The following ACADSB variants were observed in gnomAD, a reference collection of about 807,000 sequenced individuals.
ACADSB encodes short/branched chain specific acyl-CoA dehydrogenase, mitochondrial.
ACADSB carries 40 observed loss-of-function variants against 54.1 expected under a neutral mutation model. That is an observed-to-expected ratio of 0.74 (90% CI 0.57 to 0.96). The LOEUF is 0.96. ACADSB is among the 40% of genes least tolerant of loss of function. The probability of loss-of-function intolerance (pLI) is 0.00; values close to 1 mark genes in which losing one functional copy is unlikely to be tolerated. For missense variants in ACADSB, 530 were observed against 510.4 expected, an observed-to-expected ratio of 1.04 and a Z score of -0.37; for synonymous variants, 182 against 182.8, an observed-to-expected ratio of 1.00 and a Z score of 0.03.
chr10:123,011,671 C>T (rs776825178), intron 1 of ACADSB, among the ~76,000 whole-genome samples: 8 of 151,862 alleles, frequency 5.3e-5, no homozygotes, highest in African/African-American at 1.5e-4. Flanking sequence ...GGATTACAGG[C>T]GCCTGCCACC....
At chr10:123,033,973 T>G (rs1036974681) in intron 1 of ACADSB, among the ~76,000 whole-genome samples, 1 of 152,236 alleles carries the variant, frequency 6.6e-6, no homozygotes, top group Admixed American at 6.5e-5. Context: ...CAGGTAGCTC[T>G]GTGCCCTCAC....
chr10:123,053,584 T>C (rs1850661126), intron 10 of ACADSB, 111 bp from the exon 11 acceptor site: 1 of 894,030 alleles, frequency 1.1e-6, no homozygotes. Flanking sequence ...CATGAAGTGA[T>C]GTGACTAGTA....
chr10:123,028,256 A>T (rs1365277785), intron 1 of ACADSB, among the ~76,000 whole-genome samples: 1 of 41,816 alleles, frequency 2.4e-5, no homozygotes, highest in Non-Finnish European at 9.5e-5. Flanking sequence ...AACTAGTTTA[A>T]TTATTGTAAC....
At chr10:123,018,396 TA>T (rs1850136132) in intron 1 of ACADSB, among the ~76,000 whole-genome samples, 1 of 152,280 alleles carries the variant, frequency 6.6e-6, no homozygotes, top group South Asian at 2.1e-4. Flanking sequence ...GGAATCACTA[TA>T]ATTCTTAAAA....
At chr10:123,030,263 C>T (rs180694329) in intron 1 of ACADSB, among the ~76,000 whole-genome samples, 16 of 152,290 alleles carry the variant, frequency 1.1e-4, no homozygotes, top group African/African-American at 2.6e-4. Context: ...CGGTGGCTCA[C>T]GCCAGTAATC....
Position 123,053,052 on chromosome 10 carries a change from T to C in ACADSB, c.1129-9T>C. Reference sequence around the variant, plus strand: ...GTTTCAGTGTGTGATTTGCACTTGCTTTTGGTAGATTGCAGGACAAACAAC... The same window carrying C: ...GTTTCAGTGTGTGATTTGCACTTGCCTTTGGTAGATTGCAGGACAAACAAC... On this transcript the variant is annotated splice_polypyrimidine_tract_variant and intron_variant, in intron 9 of 10. Coordinates refer to ENST00000358776, the MANE Select transcript of ACADSB (RefSeq NM_001609.4). 2 of 1,611,702 alleles carry C rather than the reference T, an allele frequency of 1.2e-6. No individual in the cohort carries two copies. The highest frequency in any genetic ancestry group is 1.7e-6 in the Non-Finnish European group (2 of 1,177,878).
chr10:123,053,208 T>C, intron 10 of ACADSB, 48 bp downstream of exon 10: 1 of 1,471,174 alleles, frequency 6.8e-7, no homozygotes, highest in South Asian at 1.2e-5. Flanking sequence ...TATTTGCCTC[T>C]GTAGGTATTT....
intron 1 of ACADSB, among the ~76,000 whole-genome samples, chr10:123,025,100 A>AAAAAG (rs1314837325): frequency 6.6e-5 from 10 of 152,178 alleles, no homozygotes; most frequent in Non-Finnish European, 1.3e-4. Context: ...TCATGAAAAC[A>AAAAAG]AAAAGAAAAC....
rs1850717973 is a variant in ACADSB, at chr10:123,057,042, T to C, written c.*3277T>C. On this transcript the variant is annotated 3_prime_UTR_variant, in exon 11 of 11. Transcript: ENST00000358776. Reference sequence around the variant, plus strand: ...ACAGTCATCTGATAAGAGTATGACATGGATGAAATGCCCTACAGGGGCCTT... The same window carrying C: ...ACAGTCATCTGATAAGAGTATGACACGGATGAAATGCCCTACAGGGGCCTT... 1 of 152,694 alleles carries C rather than the reference T, an allele frequency of 6.5e-6. No individual in the cohort carries two copies. The highest frequency in any genetic ancestry group is 6.5e-5 in the Admixed American group (1 of 15,294). 9.5% of individuals were successfully genotyped at this position (152,694 alleles called of 1,614,324 possible). A position where few individuals can be genotyped will look rare whatever the true frequency, so the allele number is the denominator to read the frequency against.
chr10:123,025,188 G>A (rs963646840), intron 1 of ACADSB, among the ~76,000 whole-genome samples: 4 of 152,202 alleles, frequency 2.6e-5, no homozygotes, highest in African/African-American at 7.2e-5. Flanking sequence ...AGGCACAGTC[G>A]CTCATGTCTG....
In ACADSB at chr10:123,047,306, A is replaced by G. The variant is rs1302618362; in HGVS notation, c.990+8A>G. ...AGACTATTTGATTTTCAGGTATGTAATTATTAGGGTCTTTCTGCTGTGTTA... is the reference window on the plus strand; with the variant it reads ...AGACTATTTGATTTTCAGGTATGTAGTTATTAGGGTCTTTCTGCTGTGTTA... On this transcript the variant is annotated splice_region_variant and intron_variant, in intron 8 of 10. Coordinates refer to ENST00000358776, the MANE Select transcript of ACADSB (RefSeq NM_001609.4). 2.6e-6 allele frequency: 4 copies of G among 1,537,070 alleles called. No homozygotes were observed. In the South Asian group the frequency reaches 4.5e-5, roughly 17 times the overall value.
At chr10:123,012,280 A>G (rs1207671870) in intron 1 of ACADSB, among the ~76,000 whole-genome samples, 1 of 152,230 alleles carries the variant, frequency 6.6e-6, no homozygotes, top group African/African-American at 2.4e-5. Flanking sequence ...CAACAAAACC[A>G]GAAGTATTTT....
At chr10:123,021,626 C>T (rs984337214) in intron 1 of ACADSB, among the ~76,000 whole-genome samples, 4 of 152,162 alleles carry the variant, frequency 2.6e-5, no homozygotes, top group Admixed American at 1.3e-4. Context: ...ACGCATAACA[C>T]ATATATAACT....
intron 1 of ACADSB, among the ~76,000 whole-genome samples, chr10:123,026,853 G>A (rs1299537635): frequency 2.0e-5 from 3 of 151,952 alleles, no homozygotes; most frequent in African/African-American, 4.8e-5. Flanking sequence ...AGAAGGATAC[G>A]TAAGAAACTA....
intron 1 of ACADSB, among the ~76,000 whole-genome samples, chr10:123,019,529 A>G (rs185581480): frequency 2.6e-5 from 4 of 152,336 alleles, no homozygotes; most frequent in East Asian, 1.9e-4. Context: ...CCTTTGTGCA[A>G]TATTTTGGTG....
intron 1 of ACADSB, among the ~76,000 whole-genome samples, chr10:123,018,715 T>C (rs1461444553): frequency 1.3e-5 from 2 of 152,064 alleles, no homozygotes; most frequent in Non-Finnish European, 2.9e-5. Flanking sequence ...GGCCCCACAA[T>C]TGTGGTGAGG....
At chr10:123,017,171 C>T (rs1397001915) in intron 1 of ACADSB, among the ~76,000 whole-genome samples, 1 of 152,122 alleles carries the variant, frequency 6.6e-6, no homozygotes, top group Non-Finnish European at 1.5e-5. Flanking sequence ...AAAATTTAAA[C>T]TCCATAATAG....
chr10:123,038,319 T>C (rs1288770387), intron 3 of ACADSB, among the ~76,000 whole-genome samples: 1 of 152,228 alleles, frequency 6.6e-6, no homozygotes, highest in African/African-American at 2.4e-5. Context: ...CTTCATAGCA[T>C]AGTTTATATT....
At chr10:123,041,635 TA>T (rs531384934) in intron 5 of ACADSB, among the ~76,000 whole-genome samples, 11 of 151,880 alleles carry the variant, frequency 7.2e-5, no homozygotes, top group Non-Finnish European at 5.9e-5. Flanking sequence ...AATATTTGAT[TA>T]AAAAAAAATT....
Sources: gnomAD v4.1 joint callset for allele counts (sites outside exome capture counted in the v4.1 genomes callset) on GRCh38, gnomAD v4.1.1 for gene constraint, MANE v1.5 for transcripts, NCBI Gene and HGNC (gene_info 2026-07-23, HGNC 2026-07-21) for gene names.